The following NDUFA12 variants were observed in gnomAD, a reference collection of about 807,000 sequenced individuals.
NDUFA12 encodes the protein NADH:ubiquinone oxidoreductase subunit A12.
In NDUFA12, 17 loss-of-function variants were observed where a neutral mutation model predicts 20.3. The ratio of observed to expected loss-of-function variants is 0.84; its 90% CI spans 0.57 to 1.26. The LOEUF (loss-of-function observed/expected upper bound fraction) is 1.26. Ranked by LOEUF, NDUFA12 falls within the 50% of genes most tolerant of loss-of-function variation. The probability of loss-of-function intolerance (pLI) is 0.00; values close to 1 mark genes in which losing one functional copy is unlikely to be tolerated. For synonymous variants in NDUFA12, 72 were observed against 63.6 expected (o/e 1.13, Z -0.63); for missense variants, 191 against 183.7 (o/e 1.04, Z -0.23).
intron 3 of NDUFA12, among the ~76,000 whole-genome samples, chr12:94,986,662 C>T (rs148476600): frequency 4.9e-4 from 74 of 151,610 alleles, no homozygotes; most frequent in African/African-American, 1.7e-3. Flanking sequence ...TGTGGTGATG[C>T]ACCCCTGTAG....
At chr12:94,995,747 A>G (rs1244566449) in intron 2 of NDUFA12, among the ~76,000 whole-genome samples, 1 of 152,078 alleles carries the variant, frequency 6.6e-6, no homozygotes, top group African/African-American at 2.4e-5. Context: ...ATTTAAACAC[A>G]TGAATGTAGT....
chr12:94,977,912 A>G (rs1036984361), intron 3 of NDUFA12, among the ~76,000 whole-genome samples: 2 of 152,186 alleles, frequency 1.3e-5, no homozygotes, highest in African/African-American at 4.8e-5. Context: ...GGGCTCTTAT[A>G]GACTAGACCA....
chr12:94,972,063 C>G (rs758206096), intron 3 of NDUFA12, among the ~76,000 whole-genome samples: 3 of 152,108 alleles, frequency 2.0e-5, no homozygotes, highest in Non-Finnish European at 4.4e-5. Flanking sequence ...GCTAACACTA[C>G]AAGAGCATGC....
At chr12:94,976,086 CA>C (rs1484670646) in intron 3 of NDUFA12, among the ~76,000 whole-genome samples, 1 of 152,038 alleles carries the variant, frequency 6.6e-6, no homozygotes, top group Non-Finnish European at 1.5e-5. Context: ...AAATGTTCAC[CA>C]TATATGTTTT....
At chr12:95,002,251 C>T (rs1009882115) in intron 2 of NDUFA12, among the ~76,000 whole-genome samples, 3 of 150,712 alleles carry the variant, frequency 2.0e-5, no homozygotes, top group South Asian at 2.1e-4. Flanking sequence ...ACCAGCCTGG[C>T]CAATATGGTG....
intron 3 of NDUFA12, among the ~76,000 whole-genome samples, chr12:94,981,097 C>A: frequency 6.6e-6 from 1 of 150,922 alleles, no homozygotes; most frequent in African/African-American, 2.4e-5. Context: ...AAAATAAAGA[C>A]AAGAACAAGA....
chr12:94,998,113 T>C (rs567534766), intron 2 of NDUFA12, among the ~76,000 whole-genome samples: 5 of 126,208 alleles, frequency 4.0e-5, no homozygotes, highest in East Asian at 5.9e-4. Context: ...TCCAACAGCA[T>C]ATCAAAAAGA....
intron 3 of NDUFA12, among the ~76,000 whole-genome samples, chr12:94,990,869 A>G (rs1874616933): frequency 6.6e-6 from 1 of 152,166 alleles, no homozygotes. Flanking sequence ...TACAGTACAA[A>G]TATGTTTTGC....
chr12:95,003,535 A>G (rs1210082834), intron 1 of NDUFA12, 60 bp downstream of exon 1: 1 of 1,571,498 alleles, frequency 6.4e-7, no homozygotes, highest in East Asian at 2.2e-5. Context: ...GACCCCTTCC[A>G]AGAAATCAGC....
intron 3 of NDUFA12, among the ~76,000 whole-genome samples, chr12:94,989,266 T>C (rs1874554422): frequency 6.6e-6 from 1 of 152,192 alleles, no homozygotes; most frequent in African/African-American, 2.4e-5. Context: ...TTTTTCTGCC[T>C]TCCCCTATGA....
In NDUFA12 at chr12:95,003,692, G is replaced by A; in HGVS notation, c.-12C>T. 2 of 1,613,986 alleles carry A rather than the reference G, an allele frequency of 1.2e-6. No homozygotes were observed. Among genetic ancestry groups the A allele is most frequent in the Non-Finnish European group, 1.7e-6 (2 of 1,179,978 alleles). On this transcript the variant is annotated 5_prime_UTR_variant, in exon 1 of 4. Coordinates refer to ENST00000327772, the MANE Select transcript of NDUFA12 (RefSeq NM_018838.5). ...TGCACTAACTCCATCTTGCCTCGCT[G>A]GCCCCGCCTCCCGGGTGCGCCGAGC...
chr12:94,985,409 G>C (rs1408968472), intron 3 of NDUFA12, among the ~76,000 whole-genome samples: 1 of 150,176 alleles, frequency 6.7e-6, no homozygotes, highest in Admixed American at 6.6e-5. Flanking sequence ...TGGATCACGA[G>C]GTCAGGAGAT....
chr12:95,003,607 C>T lies in NDUFA12; in HGVS notation c.74G>A (p.Arg25Gln). The part of the protein sequence containing the change: ...TGHGGLRGYL[R>Q]VFFRTNDAKV... Reference sequence around the variant, plus strand: ...TCTGGCCGCCTACCTGAAAAAAACCCGTAGATAGCCTCGGAGACCGCCGTG... The same window carrying T: ...TCTGGCCGCCTACCTGAAAAAAACCTGTAGATAGCCTCGGAGACCGCCGTG... The change falls in exon 1 of 4, where the codon CGG (arginine) becomes CAG (glutamine). Residue 25 changes from arginine to glutamine, a missense_variant. Coordinates refer to ENST00000327772, the MANE Select transcript of NDUFA12 (RefSeq NM_018838.5). 6 of 1,614,190 alleles carry T rather than the reference C, an allele frequency of 3.7e-6. No individual in the cohort carries two copies. The highest frequency in any genetic ancestry group is 5.1e-6 in the Non-Finnish European group (6 of 1,180,032).
intron 3 of NDUFA12, among the ~76,000 whole-genome samples, chr12:94,982,005 T>C (rs1000363701): frequency 1.3e-5 from 2 of 152,206 alleles, no homozygotes; most frequent in African/African-American, 4.8e-5. Context: ...TTAGAGAACA[T>C]TAAATGAAAC....
rs534140056 is a variant in NDUFA12 at position 94,977,879 on chromosome 12, A to G, written c.258-6259T>C. On this transcript the variant is annotated intron_variant, in intron 3 of 3. Transcript: ENST00000327772. ...AAGGAAAAAACCAGAGCAGGGGAAG[A>G]GTATGGAGTATGAGAGGGAACAGGG... Among the ~76,000 whole-genome samples the G allele has an allele frequency of 1.3e-3, 193 of 152,304 alleles. No individual in the cohort carries two copies. In the South Asian group the frequency reaches 0.017, roughly 14 times the overall value.
At chr12:94,996,440 T>C (rs945522922) in intron 2 of NDUFA12, among the ~76,000 whole-genome samples, 25 of 150,852 alleles carry the variant, frequency 1.7e-4, no homozygotes, top group East Asian at 4.0e-4. Flanking sequence ...TCCCAAAGCA[T>C]TGGGATTACA....
At chr12:94,985,724 T>G (rs1874413257) in intron 3 of NDUFA12, among the ~76,000 whole-genome samples, 1 of 149,884 alleles carries the variant, frequency 6.7e-6, no homozygotes, top group South Asian at 2.1e-4. Flanking sequence ...AAAAAAATGC[T>G]CATTGTCACT....
intron 3 of NDUFA12, among the ~76,000 whole-genome samples, chr12:94,988,765 C>G (rs143249794): frequency 6.4e-4 from 98 of 152,286 alleles, no homozygotes; most frequent in African/African-American, 2.0e-3. Flanking sequence ...CTATAAAACC[C>G]CTGCCCCATC....
intron 3 of NDUFA12, among the ~76,000 whole-genome samples, chr12:94,981,777 C>G (rs1874248161): frequency 6.6e-6 from 1 of 152,156 alleles, no homozygotes; most frequent in Admixed American, 6.5e-5. Context: ...AGTTTGTAAG[C>G]AGACTGTGTT....
Sources: gnomAD v4.1 joint callset for allele counts (sites outside exome capture counted in the v4.1 genomes callset) on GRCh38, gnomAD v4.1.1 for gene constraint, MANE v1.5 for transcripts, NCBI Gene and HGNC (gene_info 2026-07-23, HGNC 2026-07-21) for gene names.